Variants in SHROOM3 observed in about 807,000 individuals in gnomAD.
SHROOM3 encodes the protein protein Shroom3.
SHROOM3 carries 47 observed loss-of-function variants against 138.6 expected under a neutral mutation model. The observed-to-expected ratio is 0.34, with a 90% confidence interval of 0.27 to 0.43. The LOEUF (loss-of-function observed/expected upper bound fraction) is 0.43, where lower values mean the gene tolerates loss of function less well. Among genes scored for constraint, SHROOM3 ranks in the 20% least tolerant of loss-of-function variants. The probability of loss-of-function intolerance (pLI) is 1.00; values close to 1 mark genes in which losing one functional copy is unlikely to be tolerated. For missense variants in SHROOM3, 2,491 were observed against 2,596.5 expected (o/e 0.96, Z 0.88); for synonymous variants, 1,062 against 1,063.3 (o/e 1.00, Z 0.02).
At chr4:76,662,780 G>A (rs1718565803) in intron 2 of SHROOM3, among the ~76,000 whole-genome samples, 1 of 152,188 alleles carries the variant, frequency 6.6e-6, no homozygotes, top group Admixed American at 6.5e-5. Flanking sequence ...TACTTGAGAG[G>A]CTGAGGCAGG....
At chr4:76,566,562 G>C (rs77913910) in intron 2 of SHROOM3, among the ~76,000 whole-genome samples, 2,402 of 152,292 alleles carry the variant, frequency 0.016, 67 homozygotes, top group African/African-American at 0.055. Flanking sequence ...TGGAAAATCA[G>C]ATCTTCGAAG....
intron 1 of SHROOM3, among the ~76,000 whole-genome samples, chr4:76,521,943 T>A (rs929776426): frequency 4.6e-5 from 7 of 152,196 alleles, no homozygotes; most frequent in African/African-American, 1.7e-4. Context: ...GGACATGATA[T>A]CATCTTGTGG....
At position 76,692,434 on chromosome 4, in the gene SHROOM3, A is replaced by T. The variant is rs910831810; in HGVS notation, c.324-17722A>T. On this transcript the variant is annotated intron_variant, in intron 2 of 10. Transcript: ENST00000296043. Reference sequence around the variant, plus strand: ...TAAGCTAGTGCCATTCTGAAGGTGTAGAGTACAGGGGTTAAGAAATTAAGT... The same window carrying T: ...TAAGCTAGTGCCATTCTGAAGGTGTTGAGTACAGGGGTTAAGAAATTAAGT... Among the ~76,000 whole-genome samples the T allele has an allele frequency of 5.9e-5, 9 of 152,236 alleles. No homozygotes were observed. The East Asian group carries it at 1.7e-3, about 29-fold the overall frequency.
chr4:76,720,955 GTTTA>G (rs935867013), intron 3 of SHROOM3, among the ~76,000 whole-genome samples: 2 of 151,778 alleles, frequency 1.3e-5, no homozygotes, highest in Admixed American at 1.3e-4. Context: ...TTCATATTGA[GTTTA>G]TTTCCTTTTT....
At chr4:76,553,942 C>T (rs1348245309) in intron 1 of SHROOM3, among the ~76,000 whole-genome samples, 1 of 152,198 alleles carries the variant, frequency 6.6e-6, no homozygotes, top group Non-Finnish European at 1.5e-5. Context: ...ACATTTATTA[C>T]AACTGATGAA....
At chr4:76,642,958 G>A (rs1735713388) in intron 2 of SHROOM3, among the ~76,000 whole-genome samples, 1 of 152,092 alleles carries the variant, frequency 6.6e-6, no homozygotes, top group Non-Finnish European at 1.5e-5. Context: ...TGTAATCCCA[G>A]CACTTTGGGA....
chr4:76,779,352 T>C lies in SHROOM3; in HGVS notation c.*175T>C, dbSNP rs1722675233. On this transcript the variant is annotated 3_prime_UTR_variant, in exon 11 of 11. Coordinates refer to ENST00000296043, the MANE Select transcript of SHROOM3 (RefSeq NM_020859.4). ...CTTTTTCCTTCTTGCCCTTCCTGAT[T>C]GATCTTCTGAGAGCTCGAATGCTGC... 1.3e-6 allele frequency: 1 copy of C among 769,942 alleles called. No homozygotes were observed. Among genetic ancestry groups the C allele is most frequent in the Non-Finnish European group, 2.0e-6 (1 of 496,448 alleles). The allele number at this position is 769,942 out of a possible 1,614,324, so 47.7% of individuals were successfully genotyped here.
intron 2 of SHROOM3, among the ~76,000 whole-genome samples, chr4:76,647,503 T>C (rs142155919): frequency 6.6e-6 from 1 of 152,350 alleles, no homozygotes; most frequent in East Asian, 1.9e-4. Context: ...ATTCTATGCA[T>C]GTAACAAAAT....
intron 1 of SHROOM3, among the ~76,000 whole-genome samples, chr4:76,518,345 C>G (rs1732487344): frequency 6.6e-6 from 1 of 152,086 alleles, no homozygotes; most frequent in African/African-American, 2.4e-5. Context: ...AATATGCACT[C>G]CATAAATCTT....
intron 8 of SHROOM3, chr4:76,758,629 C>A (rs1407630883): frequency 2.0e-5 from 3 of 152,106 alleles, no homozygotes; most frequent in African/African-American, 7.2e-5. Flanking sequence ...ATCAGAAAAT[C>A]TTTTCCCTGT....
At position 76,436,052 on chromosome 4, in the gene SHROOM3, C is replaced by T. The variant is rs759287434; in HGVS notation, c.-1C>T. ...TTAACTTGAGGGATCATGTGTTTGG[C>T]ATGATGAGGACCACTGAAGACTTCC... is the stretch of plus-strand genomic sequence containing the variant. On this transcript the variant is annotated 5_prime_UTR_variant, in exon 1 of 11. Coordinates refer to ENST00000296043, the MANE Select transcript of SHROOM3 (RefSeq NM_020859.4). 1.2e-5 allele frequency: 19 copies of T among 1,613,566 alleles called. No homozygotes were observed. In the South Asian group the frequency reaches 2.1e-4, roughly 18 times the overall value.
At chr4:76,461,374 A>G (rs559560546) in intron 1 of SHROOM3, among the ~76,000 whole-genome samples, 1 of 152,362 alleles carries the variant, frequency 6.6e-6, no homozygotes, top group African/African-American at 2.4e-5. Context: ...TCAGACTTTC[A>G]TGGAAAATCA....
chr4:76,581,513 T>C (rs1734053585), intron 2 of SHROOM3, among the ~76,000 whole-genome samples: 1 of 152,182 alleles, frequency 6.6e-6, no homozygotes, highest in African/African-American at 2.4e-5. Flanking sequence ...TCTTTTATGA[T>C]ACTAAGAAGC....
intron 2 of SHROOM3, among the ~76,000 whole-genome samples, chr4:76,693,403 A>T (rs1270623332): frequency 9.8e-6 from 1 of 102,448 alleles, no homozygotes; most frequent in Admixed American, 9.8e-5. Flanking sequence ...TAAAGCAACA[A>T]GACAGAGTCT....
chr4:76,531,912 T>A (rs1339181209), intron 1 of SHROOM3, among the ~76,000 whole-genome samples: 1 of 151,914 alleles, frequency 6.6e-6, no homozygotes, highest in Admixed American at 6.6e-5. Flanking sequence ...TTGCTCTTTT[T>A]TTTTTTTTTT....
Position 76,523,257 on chromosome 4 carries a change from A to T in SHROOM3, c.169-32352A>T, listed in dbSNP as rs1453070744. ...TCTAAACTTCTTTCTTTTTATAAGG[A>T]CCCCACTTACTGGATTAAGGCCCAT... On this transcript the variant is annotated intron_variant, in intron 1 of 10. Coordinates refer to ENST00000296043, the MANE Select transcript of SHROOM3 (RefSeq NM_020859.4). Among the ~76,000 whole-genome samples, 3 of 151,924 alleles carry T rather than the reference A, an allele frequency of 2.0e-5. No homozygotes were observed. In the East Asian group the frequency reaches 5.8e-4, roughly 29 times the overall value.
In SHROOM3 at chr4:76,740,604, C is replaced by A. The variant is rs1199025790; in HGVS notation, c.2431C>A (p.Pro811Thr). ...GGSGFGHNYR[P>T]HRTVSTSSTS... ...CTCTGGTTTTGGCCATAACTATAGG[C>A]CCCACAGGACCGTCTCAACTTCCAG... is the stretch of plus-strand genomic sequence containing the variant. Residue 811 changes from proline (P) to threonine (T), a missense_variant, in exon 5 of 11, where the codon CCC (proline) becomes ACC (threonine). Physicochemically the swap from Pro to Thr is conservative, Grantham distance 38. This residue lies in a region of SHROOM3 where 1,733 missense variants were observed against 1,661.6 expected (regional missense o/e 1.04). Transcript: ENST00000296043. This position sits in a 1 kb window ranked among gnomAD's most constrained non-coding sequence, Gnocchi z 4.0. The A allele has an allele frequency of 1.9e-6, 3 of 1,614,186 alleles. No homozygotes were observed. The highest frequency in any genetic ancestry group is 1.7e-5 in the Admixed American group (1 of 60,022).
intron 1 of SHROOM3, among the ~76,000 whole-genome samples, chr4:76,550,955 C>T (rs564153057): frequency 7.6e-4 from 115 of 150,430 alleles, no homozygotes; most frequent in Middle Eastern, 3.4e-3. Context: ...GTTGAGATCA[C>T]ACCACTGCAC....
At chr4:76,746,606 A>G (rs1318567617) in intron 5 of SHROOM3, among the ~76,000 whole-genome samples, 1 of 152,068 alleles carries the variant, frequency 6.6e-6, no homozygotes, top group Non-Finnish European at 1.5e-5. Context: ...GTGACACATG[A>G]CTGTATTTTT....
Sources: allele counts gnomAD v4.1 joint callset (sites outside exome capture counted in the v4.1 genomes callset), GRCh38; gene constraint gnomAD v4.1.1; regional missense constraint gnomAD v4.1.1; non-coding constraint Gnocchi (gnomAD v3.1); transcripts MANE v1.5; gene names NCBI Gene and HGNC (gene_info 2026-07-23, HGNC 2026-07-21).